Variants in ONECUT3 observed in about 807,000 individuals in gnomAD.
The protein encoded by ONECUT3 is one cut homeobox 3.
In ONECUT3, 11 loss-of-function variants were observed where a neutral mutation model predicts 16.8. The ratio of observed to expected loss-of-function variants is 0.66; its 90% confidence interval spans 0.41 to 1.09. ONECUT3 has a LOEUF of 1.09. ONECUT3 is among the 50% of genes least tolerant of loss of function. The pLI is 0.00. For synonymous variants in ONECUT3, 344 were observed against 310.7 expected, an observed-to-expected ratio of 1.11 and a Z score of -1.13; for missense variants, 637 against 629.9, an observed-to-expected ratio of 1.01 and a Z score of -0.12.
Position 1,775,430 on chromosome 19 carries a change from T to G in ONECUT3, c.1470T>G (p.Thr490=). 2 of 1,524,356 alleles carry G rather than the reference T, an allele frequency of 1.3e-6. No individual in the cohort carries two copies. Among genetic ancestry groups the G allele is most frequent in the Non-Finnish European group, 1.8e-6 (2 of 1,137,634 alleles). 94.4% of individuals were successfully genotyped at this position (1,524,356 alleles called of 1,614,324 possible). A position where few individuals can be genotyped will look rare whatever the true frequency, so the allele number is the denominator to read the frequency against. Residue 490 remains threonine, a synonymous_variant, in exon 2 of 2, where the codon ACT becomes ACG. Coordinates refer to ENST00000382349, the MANE Select transcript of ONECUT3 (RefSeq NM_001080488.2). ...GGGGCCCCGCCGGCGCCACGGCCACTTTCTCCAAGGCCTGAGGCGCCCCGG... is the reference window on the plus strand; with the variant it reads ...GGGGCCCCGCCGGCGCCACGGCCACGTTCTCCAAGGCCTGAGGCGCCCCGG... The part of the protein sequence containing the change: ...APGGPAGATA[T]FSKA
intron 1 of ONECUT3, among the ~76,000 whole-genome samples, chr19:1,757,388 C>G (rs1053750451): frequency 1.7e-4 from 26 of 152,254 alleles, no homozygotes; most frequent in Admixed American, 1.4e-3. Context: ...GTCTGGGTTT[C>G]CTGTCGAGGA....
intron 1 of ONECUT3, among the ~76,000 whole-genome samples, chr19:1,772,413 C>T (rs1237800911): frequency 6.6e-6 from 1 of 151,924 alleles, no homozygotes; most frequent in African/African-American, 2.4e-5. Context: ...TAGCCTTGAA[C>T]CCCCAGCCTC....
chr19:1,775,126 GCCC>G, intron 1 of ONECUT3, 24 bp from the exon 2 acceptor site: 87 of 1,143,530 alleles, frequency 7.6e-5, no homozygotes, highest in Non-Finnish European at 9.4e-5. Flanking sequence ...TGTCCCGCTC[GCCC>G]GCCCGCCCGC....
In ONECUT3 at chr19:1,766,323, C is replaced by A. The variant is rs991836616; in HGVS notation, c.1193-8830C>A. On this transcript the variant is annotated intron_variant, in intron 1 of 1. Transcript: ENST00000382349. This position sits in a 1 kb window ranked among gnomAD's most constrained non-coding sequence, Gnocchi z 4.0. Reference sequence around the variant, plus strand: ...CAGCCCGCACGCGGCCAACGTCAGGCGCGCGCAGAGGCACCCACGGGCCCG... The same window carrying A: ...CAGCCCGCACGCGGCCAACGTCAGGAGCGCGCAGAGGCACCCACGGGCCCG... Among the ~76,000 whole-genome samples, 1 of 152,164 alleles carries A rather than the reference C, an allele frequency of 6.6e-6. No individual in the cohort carries two copies. The highest frequency in any genetic ancestry group is 2.4e-5 in the African/African-American group (1 of 41,432).
intron 1 of ONECUT3, among the ~76,000 whole-genome samples, chr19:1,772,684 CT>C (rs2068066037): frequency 8.9e-6 from 1 of 112,504 alleles, no homozygotes; most frequent in Non-Finnish European, 1.8e-5. Context: ...ATCTGCTTTA[CT>C]CTTTTTTTTT....
rs1209093684 is a variant in ONECUT3 at position 1,766,547 on chromosome 19, A to AAAAGAGC, written c.1193-8604_1193-8598dup. Among the ~76,000 whole-genome samples, 1 of 151,084 alleles carries AAAAGAGC rather than the reference A, an allele frequency of 6.6e-6. No homozygotes were observed. Among genetic ancestry groups the AAAAGAGC allele is most frequent in the Non-Finnish European group, 1.5e-5 (1 of 67,716 alleles). On this transcript the variant is annotated intron_variant, in intron 1 of 1. Coordinates refer to ENST00000382349, the MANE Select transcript of ONECUT3 (RefSeq NM_001080488.2). This position sits in a 1 kb window ranked among gnomAD's most constrained non-coding sequence, Gnocchi z 4.0. ...GGGAGGGAAGGAAAGGGAGGAAAAG[A>AAAAGAGC]AAAGAGCAGAGAGGGGAGAGGGAGG...
chr19:1,763,790 C>CG, intron 1 of ONECUT3, among the ~76,000 whole-genome samples: 1 of 151,174 alleles, frequency 6.6e-6, no homozygotes, highest in East Asian at 2.0e-4. Context: ...TTCTTCCCCC[C>CG]GGCTCAGATC....
At chr19:1,772,068 G>A (rs760289079) in intron 1 of ONECUT3, among the ~76,000 whole-genome samples, 5 of 151,822 alleles carry the variant, frequency 3.3e-5, no homozygotes, top group Non-Finnish European at 7.4e-5. Context: ...AGGCTGGAGT[G>A]AGTGGTGTGA....
rs2145160478 is a variant in ONECUT3, at chr19:1,780,742, C to G, written c.*5297C>G. The G allele has an allele frequency of 6.6e-6, 1 of 152,336 alleles. No homozygotes were observed. Among genetic ancestry groups the G allele is most frequent in the East Asian group, 1.9e-4 (1 of 5,168 alleles). The allele number at this position is 152,336 out of a possible 1,614,324, so 9.4% of individuals were successfully genotyped here. ...ATCAGGCCAGTAGACTCCTGGGGCT[C>G]CTCCTCGTGGCCCTGTCAGACCACG... On this transcript the variant is annotated 3_prime_UTR_variant, in exon 2 of 2. Coordinates refer to ENST00000382349, the MANE Select transcript of ONECUT3 (RefSeq NM_001080488.2).
In ONECUT3 at chr19:1,776,927, C is replaced by T. The variant is rs1442895716; in HGVS notation, c.*1482C>T. ...TCACGCCTGATACCAAAGATTTCTC[C>T]CAAGGATTTGTGCTGGATGACAGGA... is the stretch of plus-strand genomic sequence containing the variant. On this transcript the variant is annotated 3_prime_UTR_variant, in exon 2 of 2. Coordinates refer to ENST00000382349, the MANE Select transcript of ONECUT3 (RefSeq NM_001080488.2). The surrounding 1 kb of genome is among the most constrained non-coding windows in gnomAD (Gnocchi z 4.9). 2 of 152,198 alleles carry T rather than the reference C, an allele frequency of 1.3e-5. No homozygotes were observed. Among genetic ancestry groups the T allele is most frequent in the Non-Finnish European group, 2.9e-5 (2 of 68,042 alleles). 9.4% of individuals were successfully genotyped at this position (152,198 alleles called of 1,614,324 possible).
chr19:1,779,085 A>G lies in ONECUT3; in HGVS notation c.*3640A>G, dbSNP rs2068135744. On this transcript the variant is annotated 3_prime_UTR_variant, in exon 2 of 2. Transcript: ENST00000382349. ...ATGCAGGGATCAACACCTCCAGCAC[A>G]ATTCCTTCGAGCCTTTGACAATTTT... is the stretch of plus-strand genomic sequence containing the variant. The G allele has an allele frequency of 6.6e-6, 1 of 152,120 alleles. No homozygotes were observed. The highest frequency in any genetic ancestry group is 2.4e-5 in the African/African-American group (1 of 41,406). 9.4% of individuals were successfully genotyped at this position (152,120 alleles called of 1,614,324 possible).
At chr19:1,771,160 C>T (rs1265953095) in intron 1 of ONECUT3, among the ~76,000 whole-genome samples, 1 of 152,290 alleles carries the variant, frequency 6.6e-6, no homozygotes, top group East Asian at 1.9e-4. Flanking sequence ...ACTTTCCACA[C>T]ATATTAGGTC....
rs919228752 is a variant in ONECUT3, at chr19:1,780,957, C to T, written c.*5512C>T. The T allele has an allele frequency of 7.7e-6, 1 of 129,040 alleles. No individual in the cohort carries two copies. The highest frequency in any genetic ancestry group is 2.5e-4 in the South Asian group (1 of 4,062). 8.0% of individuals were successfully genotyped at this position (129,040 alleles called of 1,614,324 possible). ...GCCCTTTTCCACCTTCACCCTTGGGCGACAGGCTTAAAAGCTAAAAAAAAA... is the reference window on the plus strand; with the variant it reads ...GCCCTTTTCCACCTTCACCCTTGGGTGACAGGCTTAAAAGCTAAAAAAAAA... On this transcript the variant is annotated 3_prime_UTR_variant, in exon 2 of 2. Transcript: ENST00000382349.
In ONECUT3 at chr19:1,775,682, C is replaced by T. The variant is rs1476710214; in HGVS notation, c.*237C>T. ...CCTCCAGGCCAAAGGAAGCCCTCCA[C>T]CCCCCCCCGGAGGGGAGGGAGTGAC... On this transcript the variant is annotated 3_prime_UTR_variant, in exon 2 of 2. Coordinates refer to ENST00000382349, the MANE Select transcript of ONECUT3 (RefSeq NM_001080488.2). The T allele has an allele frequency of 5.3e-5, 10 of 187,600 alleles. No homozygotes were observed. The highest frequency in any genetic ancestry group is 4.1e-4 in the African/African-American group (8 of 19,384). 11.6% of individuals were successfully genotyped at this position (187,600 alleles called of 1,614,324 possible). A position where few individuals can be genotyped will look rare whatever the true frequency, so the allele number is the denominator to read the frequency against.
In ONECUT3 at chr19:1,754,513, T is replaced by G; in HGVS notation, c.851T>G (p.Leu284Arg). 2 of 979,334 alleles carry G rather than the reference T, an allele frequency of 2.0e-6. No individual in the cohort carries two copies. Among genetic ancestry groups the G allele is most frequent in the African/African-American group, 1.8e-5 (1 of 56,498 alleles). 60.7% of individuals were successfully genotyped at this position (979,334 alleles called of 1,614,324 possible). A position where few individuals can be genotyped will look rare whatever the true frequency, so the allele number is the denominator to read the frequency against. Residue 284 changes from leucine to arginine, a missense_variant, in exon 1 of 2, where the codon CTG becomes CGG. This residue lies in a region of ONECUT3 where 419 missense variants were observed against 377.9 expected (regional missense o/e 1.11). Coordinates refer to ENST00000382349, the MANE Select transcript of ONECUT3 (RefSeq NM_001080488.2). This position sits in a 1 kb window ranked among gnomAD's most constrained non-coding sequence, Gnocchi z 7.4. ...GGCAGCGGGAGCGCCGCGGGGCTGC[T>G]GGCGCCGCTGGGCGGGCTGGCGGCG... is the stretch of plus-strand genomic sequence containing the variant. ...GAGSGSAAGLLAPLGGLAAAG... is the reference protein window; with the variant it reads ...GAGSGSAAGLRAPLGGLAAAG...
Position 1,754,902 on chromosome 19 carries a change from A to C in ONECUT3, c.1192+48A>C. 7.7e-7 allele frequency: 1 copy of C among 1,300,240 alleles called. No homozygotes were observed. Among genetic ancestry groups the C allele is most frequent in the South Asian group, 2.1e-5 (1 of 47,912 alleles). The allele number at this position is 1,300,240 out of a possible 1,614,324, so 80.5% of individuals were successfully genotyped here. A position where few individuals can be genotyped will look rare whatever the true frequency, so the allele number is the denominator to read the frequency against. On this transcript the variant is annotated intron_variant, in intron 1 of 1. Coordinates refer to ENST00000382349, the MANE Select transcript of ONECUT3 (RefSeq NM_001080488.2). This position sits in a 1 kb window ranked among gnomAD's most constrained non-coding sequence, Gnocchi z 7.4. ...CAGACCCTGGGGGCGCCGGCTCTGG[A>C]CTCCCGAGCACCTAGCGGGGCGGCG...
rs1312305802 is a variant in ONECUT3, at chr19:1,762,279, C to A, written c.1192+7425C>A. 6.6e-6 allele frequency among the ~76,000 whole-genome samples: 1 copy of A among 152,168 alleles called. No homozygotes were observed. Among genetic ancestry groups the A allele is most frequent in the Non-Finnish European group, 1.5e-5 (1 of 68,026 alleles). On this transcript the variant is annotated intron_variant, in intron 1 of 1. Transcript: ENST00000382349. The surrounding 1 kb of genome is among the most constrained non-coding windows in gnomAD (Gnocchi z 4.4). ...ACCCTCCTGCCCTCCTGCCCTCCTG[C>A]CCTCCTCTCTGGGAGTCGGGACAGA...
rs369527336 is a variant in ONECUT3 at position 1,775,536 on chromosome 19, C to T, written c.*91C>T. On this transcript the variant is annotated 3_prime_UTR_variant, in exon 2 of 2. Transcript: ENST00000382349. ...CACATCCTGCCGGCCCGGAGACCCG[C>T]CCCCAGGGGGCACCTGGAGGGGGTG... The T allele has an allele frequency of 3.3e-5, 43 of 1,315,686 alleles. No individual in the cohort carries two copies. Among genetic ancestry groups the T allele is most frequent in the African/African-American group, 3.0e-4 (19 of 63,656 alleles). The allele number at this position is 1,315,686 out of a possible 1,614,324, so 81.5% of individuals were successfully genotyped here. A position where few individuals can be genotyped will look rare whatever the true frequency, so the allele number is the denominator to read the frequency against.
intron 1 of ONECUT3, among the ~76,000 whole-genome samples, chr19:1,760,921 T>G (rs554998767): frequency 6.6e-6 from 1 of 152,240 alleles, no homozygotes; most frequent in East Asian, 1.9e-4. Flanking sequence ...GACCATTCAT[T>G]CTTCTCTCTG....
Sources: gnomAD v4.1 joint callset for allele counts (sites outside exome capture counted in the v4.1 genomes callset) on GRCh38, gnomAD v4.1.1 for gene constraint, gnomAD v4.1.1 regional missense constraint, Gnocchi (gnomAD v3.1) non-coding constraint, MANE v1.5 for transcripts, NCBI Gene and HGNC (gene_info 2026-07-23, HGNC 2026-07-21) for gene names.